Variants in MAP3K12 observed in about 807,000 individuals in gnomAD.
The protein encoded by MAP3K12 is mitogen-activated protein kinase kinase kinase 12, also known as MAPK-upstream kinase.
In MAP3K12, 14 loss-of-function variants were observed where a neutral mutation model predicts 87.5. The observed-to-expected ratio is 0.16, with a 90% CI of 0.11 to 0.25. The LOEUF is 0.25. MAP3K12 is among the 10% of genes least tolerant of loss of function. The pLI, the probability that MAP3K12 is intolerant of heterozygous loss-of-function variation, is 1.00. For synonymous variants in MAP3K12, 469 were observed against 452.5 expected, an observed-to-expected ratio of 1.04 and a Z score of -0.46; for missense variants, 802 against 1,140.4, an observed-to-expected ratio of 0.70 and a Z score of 4.27.
At chr12:53,483,766 C>T (rs756082306) in intron 8 of MAP3K12, 43 bp from the exon 9 acceptor site, 2 of 1,613,150 alleles carry the variant, frequency 1.2e-6, no homozygotes, top group Non-Finnish European at 1.7e-6. Flanking sequence ...CTGGGTTCAC[C>T]TAGGGCCATA....
At chr12:53,490,897 C>G (rs1387238112) in intron 1 of MAP3K12, among the ~76,000 whole-genome samples, 1 of 152,082 alleles carries the variant, frequency 6.6e-6, no homozygotes, top group Admixed American at 6.6e-5. Flanking sequence ...AGCGACAGAG[C>G]GAGACCTTGT....
intron 6 of MAP3K12, 59 bp downstream of exon 6, chr12:53,484,997 A>G (rs1943191006): frequency 6.2e-7 from 1 of 1,603,088 alleles, no homozygotes; most frequent in Non-Finnish European, 8.5e-7. Flanking sequence ...AGTCCAGCCC[A>G]GTACTACCGT....
chr12:53,493,286 C>T (rs1234779348), intron 1 of MAP3K12, among the ~76,000 whole-genome samples: 2 of 152,042 alleles, frequency 1.3e-5, no homozygotes, highest in Admixed American at 6.5e-5. Flanking sequence ...GGGATGGCTG[C>T]GAGGATCTTA....
chr12:53,482,294 C>G lies in MAP3K12; in HGVS notation c.2309+5G>C, dbSNP rs749685480. On this transcript the variant is annotated splice_donor_5th_base_variant and intron_variant, in intron 12 of 13. Coordinates refer to ENST00000547488, the MANE Select transcript of MAP3K12 (RefSeq NM_001193511.2). The stretch of plus-strand genomic sequence containing the variant: ...GCCATTAATTCTTGTAATGCCATCA[C>G]TTACCTCTGGCTTGATGTCAGCTCT... 5.5e-5 allele frequency: 88 copies of G among 1,614,060 alleles called. No individual in the cohort carries two copies. In the Admixed American group the frequency reaches 1.4e-3, roughly 26 times the overall value.
At chr12:53,501,030 G>T, upstream of MAP3K12, 1 of 249,252 alleles carries the variant, frequency 4.0e-6, no homozygotes, top group Non-Finnish European at 8.0e-6. Context: ...CCTACCCAGC[G>T]GCTTCCCCTC....
intron 1 of MAP3K12, among the ~76,000 whole-genome samples, 166 bp downstream of exon 1, chr12:53,499,261 C>A (rs573906040): frequency 6.6e-6 from 1 of 152,016 alleles, no homozygotes; most frequent in East Asian, 1.9e-4. Flanking sequence ...GCCCCACAGG[C>A]GTCGGGTCCA....
intron 1 of MAP3K12, among the ~76,000 whole-genome samples, chr12:53,488,571 G>T (rs1159579165): frequency 6.6e-6 from 1 of 152,172 alleles, no homozygotes; most frequent in African/African-American, 2.4e-5. Context: ...TGAGGCAGAA[G>T]AATTGCTTAA....
At position 53,487,232 on chromosome 12, in the gene MAP3K12, G is replaced by A; in HGVS notation, c.160C>T (p.Pro54Ser). ...PTQCVLRDVV[P>S]LGGQGGGGPS... Reference sequence around the variant, plus strand: ...CCTCCCCCACCCTGCCCACCAAGGGGTACCACATCTCGAAGTACACACTGG... The same window carrying A: ...CCTCCCCCACCCTGCCCACCAAGGGATACCACATCTCGAAGTACACACTGG... Residue 54 changes from proline (P) to serine (S), a missense_variant, in exon 2 of 14, where the codon CCC (proline) becomes TCC (serine). By Grantham distance (74) the Pro-to-Ser change is moderately conservative (BLOSUM62 -1). This residue lies in a region of MAP3K12 where 135 missense variants were observed against 151.6 expected (regional missense o/e 0.89). Transcript: ENST00000547488. 1.2e-6 allele frequency: 2 copies of A among 1,613,648 alleles called. No homozygotes were observed. Among genetic ancestry groups the A allele is most frequent in the South Asian group, 2.2e-5 (2 of 91,038 alleles).
intron 1 of MAP3K12, among the ~76,000 whole-genome samples, chr12:53,498,978 G>GGAGAT (rs1943610018): frequency 2.9e-5 from 1 of 34,156 alleles, no homozygotes; most frequent in Non-Finnish European, 6.1e-5. Context: ...GTGTGTGTGT[G>GGAGAT]TGTGTGTGTG....
At position 53,482,490 on chromosome 12, in the gene MAP3K12, T is replaced by C. The variant is rs1021281055; in HGVS notation, c.2238+75A>G. On this transcript the variant is annotated intron_variant, in intron 11 of 13. Coordinates refer to ENST00000547488, the MANE Select transcript of MAP3K12 (RefSeq NM_001193511.2). ...GGGAATGGCTTAAAATTGAGCATAA[T>C]GTGGGGGATTAGACTTGGACCCCAG... is the stretch of plus-strand genomic sequence containing the variant. 5 of 1,604,454 alleles carry C rather than the reference T, an allele frequency of 3.1e-6. No homozygotes were observed. In the African/African-American group the frequency reaches 4.0e-5, roughly 13 times the overall value.
intron 1 of MAP3K12, among the ~76,000 whole-genome samples, chr12:53,496,756 T>G (rs978404839): frequency 3.3e-5 from 5 of 152,224 alleles, no homozygotes; most frequent in Non-Finnish European, 7.3e-5. Context: ...GACATAAAAT[T>G]TAAATTGTAA....
chr12:53,499,787 C>G (rs1015577822), upstream of MAP3K12, among the ~76,000 whole-genome samples: 2 of 152,206 alleles, frequency 1.3e-5, no homozygotes, highest in South Asian at 2.1e-4. Context: ...GCTCCAGGCT[C>G]GTACCTGGCC....
intron 4 of MAP3K12, chr12:53,485,813 C>T (rs1592712343): frequency 1.8e-6 from 1 of 540,650 alleles, no homozygotes; most frequent in South Asian, 2.4e-5. Flanking sequence ...GCCTCGGCCT[C>T]CCAAAGTGTT....
Position 53,483,081 on chromosome 12 carries a change from G to T in MAP3K12, c.1722C>A (p.Arg574=), listed in dbSNP as rs754935100. ...CCTTGCGGTGACGGGTCTTGCCACG[G>T]CGACTCCGTCCTGGTGAGGGGGGGC... ...PKGPPSPGRS[R]RGKTRHRKAS... The change falls in exon 11 of 14, where the codon CGC becomes CGA. Residue 574 remains arginine (R), a synonymous_variant. Transcript: ENST00000547488. 11 of 1,537,218 alleles carry T rather than the reference G, an allele frequency of 7.2e-6. No individual in the cohort carries two copies. In the East Asian group the frequency reaches 2.0e-4, roughly 28 times the overall value.
chr12:53,498,687 G>A (rs1943593361), intron 1 of MAP3K12, among the ~76,000 whole-genome samples: 1 of 152,086 alleles, frequency 6.6e-6, no homozygotes, highest in Non-Finnish European at 1.5e-5. Flanking sequence ...TGGGGGAGAT[G>A]GGTTAGGGGA....
At chr12:53,489,306 C>CAAACCCCGTCTCAAA (rs1216296941) in intron 1 of MAP3K12, among the ~76,000 whole-genome samples, 4 of 151,928 alleles carry the variant, frequency 2.6e-5, no homozygotes, top group Admixed American at 2.6e-4. Flanking sequence ...GCGAAGTAGC[C>CAAACCCCGTCTCAAA]AAACCCCGTC....
rs947464111 is a variant in MAP3K12, at chr12:53,480,101, T to G, written c.*1081A>C. ...TAGGGGAGTAGGCAAGCACTTCCAC[T>G]AGGGAGGGGGTGGGGGAAAGGAATG... On this transcript the variant is annotated 3_prime_UTR_variant, in exon 14 of 14. Transcript: ENST00000547488. 2.0e-5 allele frequency: 3 copies of G among 151,126 alleles called. No homozygotes were observed. Among genetic ancestry groups the G allele is most frequent in the African/African-American group, 7.3e-5 (3 of 40,994 alleles). 9.4% of individuals were successfully genotyped at this position (151,126 alleles called of 1,614,324 possible).
In MAP3K12 at chr12:53,487,097, C is replaced by G; in HGVS notation, c.295G>C (p.Glu99Gln). 6.2e-7 allele frequency: 1 copy of G among 1,614,014 alleles called. No homozygotes were observed. The highest frequency in any genetic ancestry group is 8.5e-7 in the Non-Finnish European group (1 of 1,180,004). The change falls in exon 2 of 14, where the codon GAG becomes CAG. Residue 99 changes from glutamate (E) to glutamine (Q), a missense_variant. By Grantham distance (29) the Glu-to-Gln change is conservative. Transcript: ENST00000547488. ...GGPGGAAGSPESRASRVRADE... is the reference protein window; with the variant it reads ...GGPGGAAGSPQSRASRVRADE... Reference sequence around the variant, plus strand: ...GCTCGAACTCTGGATGCCCGACTCTCAGGTGACCCAGCTGCTCCCCCTGGG... The same window carrying G: ...GCTCGAACTCTGGATGCCCGACTCTGAGGTGACCCAGCTGCTCCCCCTGGG...
chr12:53,498,353 A>G (rs1027385705), intron 1 of MAP3K12, among the ~76,000 whole-genome samples: 10 of 152,038 alleles, frequency 6.6e-5, no homozygotes, highest in African/African-American at 2.4e-4. Context: ...CTGCAAGGGA[A>G]ATGTGTTTAG....
Sources: gnomAD v4.1 joint callset for allele counts (sites outside exome capture counted in the v4.1 genomes callset) on GRCh38, gnomAD v4.1.1 for gene constraint, gnomAD v4.1.1 regional missense constraint, MANE v1.5 for transcripts, NCBI Gene and HGNC (gene_info 2026-07-23, HGNC 2026-07-21) for gene names.